Variants in CHAT observed in about 807,000 individuals in gnomAD.
The protein encoded by CHAT is choline O-acetyltransferase.
A neutral mutation model predicts 76.9 loss-of-function variants in CHAT; 61 were observed. The observed-to-expected ratio is 0.79, with a 90% CI of 0.65 to 0.98. The LOEUF (loss-of-function observed/expected upper bound fraction) is 0.98, where lower values mean the gene tolerates loss of function less well. CHAT is among the 50% of genes least tolerant of loss of function. The pLI is 0.00. For missense variants in CHAT, 946 were observed against 986.9 expected (o/e 0.96, Z 0.56); for synonymous variants, 407 against 397.4 (o/e 1.02, Z -0.29).
intron 2 of CHAT, among the ~76,000 whole-genome samples, chr10:49,617,789 A>G (rs1838553297): frequency 1.3e-5 from 2 of 152,134 alleles, no homozygotes; most frequent in South Asian, 4.1e-4. Flanking sequence ...TTGGGGGCCC[A>G]GACCTGGCTC....
At chr10:49,623,321 C>G (rs1019407963) in intron 5 of CHAT, among the ~76,000 whole-genome samples, 6 of 152,172 alleles carry the variant, frequency 3.9e-5, no homozygotes, top group Non-Finnish European at 5.9e-5. Context: ...CATGTGTGTG[C>G]ACACTCACAC....
chr10:49,611,692 C>T, upstream of CHAT: 1 of 1,609,892 alleles, frequency 6.2e-7, no homozygotes, highest in Non-Finnish European at 8.5e-7. Flanking sequence ...GTGGATGAAG[C>T]ATACGATGGC....
rs763978618 is a variant in CHAT, at chr10:49,655,107, A to G, written c.1647A>G (p.Arg549=). 1 of 1,614,160 alleles carries G rather than the reference A, an allele frequency of 6.2e-7. No individual in the cohort carries two copies. Among genetic ancestry groups the G allele is most frequent in the South Asian group, 1.1e-5 (1 of 91,078 alleles). Residue 549 remains arginine (R), a synonymous_variant, in exon 12 of 15, where the codon AGA becomes AGG. Coordinates refer to ENST00000337653, the MANE Select transcript of CHAT (RefSeq NM_020549.5). The part of the protein sequence containing the change: ...LQLAFYRLHR[R]LVPTYESASI... ...TCATCCCACGCAGGCTCCATCGAAG[A>G]CTGGTGCCCACCTACGAGAGCGCGT...
In CHAT at chr10:49,665,054, C is replaced by T; in HGVS notation, c.*8C>T. ...CAGGGACACCAACCTTGACTCCTGCCACTAGGTTTCACCTCCCAAACCCAG... is the reference window on the plus strand; with the variant it reads ...CAGGGACACCAACCTTGACTCCTGCTACTAGGTTTCACCTCCCAAACCCAG... On this transcript the variant is annotated 3_prime_UTR_variant, in exon 15 of 15. Coordinates refer to ENST00000337653, the MANE Select transcript of CHAT (RefSeq NM_020549.5). The T allele has an allele frequency of 6.2e-7, 1 of 1,613,306 alleles. No individual in the cohort carries two copies. The highest frequency in any genetic ancestry group is 8.5e-7 in the Non-Finnish European group (1 of 1,180,042).
At chr10:49,620,736 C>A in intron 4 of CHAT, 123 bp downstream of exon 4, 1 of 782,652 alleles carries the variant, frequency 1.3e-6, no homozygotes, top group African/African-American at 1.7e-5. Context: ...GGTCAAATGC[C>A]CCGAGACAGT....
At chr10:49,635,390 T>C (rs1201705201) in intron 7 of CHAT, among the ~76,000 whole-genome samples, 2 of 152,236 alleles carry the variant, frequency 1.3e-5, no homozygotes, top group South Asian at 4.1e-4. Flanking sequence ...ACTGTGAACA[T>C]TTGTGTACAG....
intron 7 of CHAT, among the ~76,000 whole-genome samples, chr10:49,644,892 C>T (rs544642460): frequency 2.0e-5 from 3 of 152,174 alleles, no homozygotes; most frequent in Non-Finnish European, 4.4e-5. Flanking sequence ...ACTAACCACC[C>T]TGGGAAGGGG....
At position 49,662,721 on chromosome 10, in the gene CHAT, C is replaced by T; in HGVS notation, c.1916C>T (p.Pro639Leu). 1.2e-6 allele frequency: 2 copies of T among 1,614,214 alleles called. No individual in the cohort carries two copies. Among genetic ancestry groups the T allele is most frequent in the South Asian group, 2.2e-5 (2 of 91,080 alleles). The change falls in exon 14 of 15, where the codon CCC becomes CTC. Residue 639 changes from proline (P) to leucine (L), a missense_variant. Physicochemically the swap from Pro to Leu is moderately conservative, Grantham distance 98. Coordinates refer to ENST00000337653, the MANE Select transcript of CHAT (RefSeq NM_020549.5). ...ELARAMCKEL[P>L]EMFMDETYLM... ...GCCCGGGCCATGTGCAAGGAGCTGC[C>T]CGAGATGTTCATGGATGAAACCTAC...
upstream of CHAT, chr10:49,613,893 T>C (rs1206153670): frequency 2.0e-6 from 1 of 512,552 alleles, no homozygotes; most frequent in East Asian, 3.6e-5. Context: ...TTTTGAAAGA[T>C]GGTGTAGCAG....
At chr10:49,611,208 G>C, upstream of CHAT, 1 of 1,614,080 alleles carries the variant, frequency 6.2e-7, no homozygotes. Flanking sequence ...TGCCGCTGCT[G>C]ATCGGCCTGG....
At position 49,627,655 on chromosome 10, in the gene CHAT, G is replaced by T. The variant is rs201359694; in HGVS notation, c.981G>T (p.Gly327=). Residue 327 remains glycine, a synonymous_variant, in exon 7 of 15, where the codon GGG becomes GGT. Transcript: ENST00000337653. Reference sequence around the variant, plus strand: ...TTAATTTCCGCCGTCTCAGTGAGGGGGATCTGTTCACTCAGTTGAGAAAGA... The same window carrying T: ...TTAATTTCCGCCGTCTCAGTGAGGGTGATCTGTTCACTCAGTTGAGAAAGA... ...VVINFRRLSE[G]DLFTQLRKIV... 16 of 1,614,136 alleles carry T rather than the reference G, an allele frequency of 9.9e-6. No individual in the cohort carries two copies. The Admixed American group carries it at 2.3e-4, about 24-fold the overall frequency.
intron 13 of CHAT, among the ~76,000 whole-genome samples, chr10:49,656,150 A>G (rs996642123): frequency 6.6e-6 from 1 of 152,154 alleles, no homozygotes; most frequent in Non-Finnish European, 1.5e-5. Context: ...AACAGAAACA[A>G]TGCATTTCTG....
Position 49,614,381 on chromosome 10 carries a change from G to T in CHAT, c.192G>T (p.Ala64=). 3 of 1,543,696 alleles carry T rather than the reference G, an allele frequency of 1.9e-6. No homozygotes were observed. Among genetic ancestry groups the T allele is most frequent in the Non-Finnish European group, 2.6e-6 (3 of 1,143,696 alleles). ...GCTGCAGCCCCCACCCCCGCGCTGC[G>T]ACACGCCCCCCACCCCTTCCGGCTC... ...NPGCSPHPRA[A]TRPPPLPAHT... is the part of the protein sequence containing the mutation. The change falls in exon 1 of 15, where the codon GCG becomes GCT. Residue 64 remains alanine (A), a synonymous_variant. Coordinates refer to ENST00000337653, the MANE Select transcript of CHAT (RefSeq NM_020549.5).
intron 11 of CHAT, among the ~76,000 whole-genome samples, chr10:49,652,536 C>A (rs533592879): frequency 5.9e-5 from 9 of 152,310 alleles, no homozygotes; most frequent in Admixed American, 5.9e-4. Context: ...CCTCCACTGC[C>A]ATTGGCCCCT....
At chr10:49,616,164 C>A in intron 1 of CHAT, 1 of 1,441,930 alleles carries the variant, frequency 6.9e-7, no homozygotes, top group Non-Finnish European at 9.8e-7. Flanking sequence ...CTATTGGGTT[C>A]CAGGCAGGAA....
At chr10:49,629,384 G>A (rs1424586041) in intron 7 of CHAT, among the ~76,000 whole-genome samples, 1 of 152,210 alleles carries the variant, frequency 6.6e-6, no homozygotes, top group Non-Finnish European at 1.5e-5. Context: ...AGCCAAAGAG[G>A]GGTGTGAGAG....
intron 11 of CHAT, among the ~76,000 whole-genome samples, chr10:49,652,903 T>A (rs1327618747): frequency 6.6e-6 from 1 of 152,056 alleles, no homozygotes; most frequent in Non-Finnish European, 1.5e-5. Context: ...CCAGTTTCCA[T>A]CCCTCGAAGC....
chr10:49,646,012 A>G (rs1282046818), intron 7 of CHAT, among the ~76,000 whole-genome samples: 3 of 152,196 alleles, frequency 2.0e-5, no homozygotes, highest in South Asian at 2.1e-4. Context: ...GAAATTGCCT[A>G]ATTTTGAAAT....
intron 7 of CHAT, among the ~76,000 whole-genome samples, chr10:49,645,509 A>G (rs1248100203): frequency 1.3e-5 from 2 of 152,204 alleles, no homozygotes; most frequent in Non-Finnish European, 2.9e-5. Flanking sequence ...CGTCAGCACA[A>G]TAGACTCCTG....
Sources: gnomAD v4.1 joint callset for allele counts (sites outside exome capture counted in the v4.1 genomes callset) on GRCh38, gnomAD v4.1.1 for gene constraint, MANE v1.5 for transcripts, NCBI Gene and HGNC (gene_info 2026-07-23, HGNC 2026-07-21) for gene names.